PTPRD: variants seen among roughly 807,000 people sequenced by gnomAD.
PTPRD encodes receptor-type tyrosine-protein phosphatase delta.
In PTPRD, 34 loss-of-function variants were observed where a neutral mutation model predicts 214.5. That is an observed-to-expected ratio of 0.16 (90% confidence interval 0.12 to 0.21). PTPRD has a LOEUF of 0.21. PTPRD is among the 10% of genes least tolerant of loss of function. The probability of loss-of-function intolerance (pLI) is 1.00; values close to 1 mark genes in which losing one functional copy is unlikely to be tolerated. For missense variants in PTPRD, 2,545 were observed against 2,398.7 expected, an observed-to-expected ratio of 1.06 and a Z score of -1.27; for synonymous variants, 1,128 against 845.7, an observed-to-expected ratio of 1.33 and a Z score of -5.79.
At chr9:8,755,481 G>C (rs1001132239) in intron 11 of PTPRD, among the ~76,000 whole-genome samples, 20 of 145,488 alleles carry the variant, frequency 1.4e-4, no homozygotes, top group African/African-American at 4.6e-4. Flanking sequence ...GTGAGCCCAA[G>C]ACACACCACT....
intron 8 of PTPRD, among the ~76,000 whole-genome samples, chr9:9,420,126 T>C (rs538142811): frequency 6.6e-6 from 1 of 151,522 alleles, no homozygotes; most frequent in South Asian, 2.1e-4. Flanking sequence ...TTATAAAATT[T>C]CTCCTTGTTA....
chr9:9,432,724 G>A (rs745943320), intron 8 of PTPRD, among the ~76,000 whole-genome samples: 5 of 152,158 alleles, frequency 3.3e-5, no homozygotes, highest in Non-Finnish European at 7.3e-5. Flanking sequence ...ACTTTCTAAA[G>A]TATCATTTAA....
intron 9 of PTPRD, among the ~76,000 whole-genome samples, chr9:9,335,596 G>C (rs1174905378): frequency 6.6e-6 from 1 of 151,998 alleles, no homozygotes; most frequent in South Asian, 2.1e-4. Context: ...AAGGACTTAT[G>C]AATTTAACAG....
At chr9:9,584,836 C>A (rs2091640496) in intron 7 of PTPRD, among the ~76,000 whole-genome samples, 1 of 151,934 alleles carries the variant, frequency 6.6e-6, no homozygotes, top group South Asian at 2.1e-4. Context: ...TTGCCCTTGA[C>A]CATCCTGAGT....
intron 39 of PTPRD, among the ~76,000 whole-genome samples, chr9:8,344,091 C>T (rs1855185433): frequency 6.6e-6 from 1 of 152,060 alleles, no homozygotes; most frequent in South Asian, 2.1e-4. Flanking sequence ...AAAGATTTGT[C>T]TTTCTGGGTT....
chr9:9,713,139 T>C (rs1353387408), intron 7 of PTPRD, among the ~76,000 whole-genome samples: 1 of 151,230 alleles, frequency 6.6e-6, no homozygotes, highest in African/African-American at 2.4e-5. Context: ...TTTGGTTTTT[T>C]AGAAATGAAA....
chr9:9,096,623 G>C (rs187022759), intron 10 of PTPRD, among the ~76,000 whole-genome samples: 1 of 152,150 alleles, frequency 6.6e-6, no homozygotes, highest in East Asian at 1.9e-4. Context: ...GTTACATAGA[G>C]ATTATCAGAA....
intron 12 of PTPRD, among the ~76,000 whole-genome samples, chr9:8,725,397 G>A (rs757370167): frequency 4.6e-5 from 7 of 152,114 alleles, no homozygotes; most frequent in Admixed American, 1.3e-4. Context: ...TGCTTGGCAC[G>A]GGAAATGTGT....
At chr9:10,463,949 C>A (rs921544994) in intron 2 of PTPRD, among the ~76,000 whole-genome samples, 2 of 152,126 alleles carry the variant, frequency 1.3e-5, no homozygotes, top group African/African-American at 4.8e-5. Context: ...AATAAGAGAA[C>A]TTCTGTACAT....
chr9:9,101,229 A>G (rs747613948), intron 10 of PTPRD, among the ~76,000 whole-genome samples: 6 of 152,130 alleles, frequency 3.9e-5, no homozygotes, highest in African/African-American at 9.7e-5. Context: ...TAGATATAAA[A>G]AAAGATCTTT....
intron 5 of PTPRD, among the ~76,000 whole-genome samples, chr9:9,801,607 A>G (rs1018724095): frequency 3.3e-5 from 5 of 152,132 alleles, no homozygotes; most frequent in African/African-American, 1.2e-4. Flanking sequence ...TGGACTAAGA[A>G]AAGTAGTTTT....
chr9:9,002,100 T>C (rs1372245039), intron 11 of PTPRD, among the ~76,000 whole-genome samples: 1 of 151,950 alleles, frequency 6.6e-6, no homozygotes, highest in Non-Finnish European at 1.5e-5. Context: ...AAAGATTTTT[T>C]CCCTGTTTTA....
chr9:9,689,325 T>A (rs1477326777), intron 7 of PTPRD, among the ~76,000 whole-genome samples: 1 of 151,902 alleles, frequency 6.6e-6, no homozygotes, highest in African/African-American at 2.4e-5. Flanking sequence ...GAAATAACAG[T>A]CTAGAATAAA....
chr9:10,446,271 C>G (rs759623763), intron 2 of PTPRD, among the ~76,000 whole-genome samples: 8 of 151,612 alleles, frequency 5.3e-5, no homozygotes, highest in Admixed American at 3.3e-4. Context: ...GAAAGAAGTG[C>G]AGGAAAAAAT....
chr9:8,332,014 C>A (rs1333927500), intron 43 of PTPRD, among the ~76,000 whole-genome samples: 1 of 152,090 alleles, frequency 6.6e-6, no homozygotes, highest in Non-Finnish European at 1.5e-5. Flanking sequence ...TAGTAGCCAT[C>A]CACATAGTTC....
chr9:10,003,827 C>G (rs111993901), intron 4 of PTPRD, among the ~76,000 whole-genome samples: 1 of 151,656 alleles, frequency 6.6e-6, no homozygotes, highest in South Asian at 2.1e-4. Context: ...AATTAAATTT[C>G]AAATTCTAAA....
intron 10 of PTPRD, among the ~76,000 whole-genome samples, chr9:9,123,743 G>A (rs899184591): frequency 1.3e-5 from 2 of 152,106 alleles, no homozygotes; most frequent in East Asian, 1.9e-4. Flanking sequence ...AATATTTCCA[G>A]AATGAAAGGA....
intron 11 of PTPRD, among the ~76,000 whole-genome samples, chr9:8,995,210 T>C (rs1226522430): frequency 2.6e-5 from 4 of 152,052 alleles, no homozygotes; most frequent in African/African-American, 9.7e-5. Flanking sequence ...TTTGGACCTG[T>C]ACTAGGAATT....
At chr9:10,547,254 A>G (rs944584136) in intron 2 of PTPRD, among the ~76,000 whole-genome samples, 2 of 152,122 alleles carry the variant, frequency 1.3e-5, no homozygotes, top group African/African-American at 4.8e-5. Flanking sequence ...TTTACAAATT[A>G]TTCTAAGGTT....
Sources: allele counts gnomAD v4.1 joint callset (sites outside exome capture counted in the v4.1 genomes callset), GRCh38; gene constraint gnomAD v4.1.1; transcripts MANE v1.5; gene names NCBI Gene and HGNC (gene_info 2026-07-23, HGNC 2026-07-21).